The following LRP1B variants were observed in gnomAD, a reference collection of about 807,000 sequenced individuals.
The protein encoded by LRP1B is LDL receptor related protein 1B.
In LRP1B, 217 loss-of-function variants were observed where a neutral mutation model predicts 556.6. That is an observed-to-expected ratio of 0.39 (90% confidence interval 0.35 to 0.44). The LOEUF is 0.44. Ranked by LOEUF, LRP1B falls within the 20% of genes least tolerant of loss-of-function variation. LRP1B has a pLI of 1.00. For synonymous variants in LRP1B, 2,047 were observed against 1,865.8 expected, an observed-to-expected ratio of 1.10 and a Z score of -2.50; for missense variants, 5,053 against 5,620.8, an observed-to-expected ratio of 0.90 and a Z score of 3.23.
In LRP1B at chr2:141,323,793, C is replaced by T. The variant is rs72981223; in HGVS notation, c.344-69152G>A. 6.2e-3 allele frequency among the ~76,000 whole-genome samples: 948 copies of T among 151,970 alleles called. 15 individuals are homozygous for T. The highest frequency in any genetic ancestry group is 0.021 in the African/African-American group (882 of 41,456). ...ATTACATAACTTCTTCCCAACCTTTCCACAAACTCAGAACTCAGCTTAAAA... is the reference window on the plus strand; with the variant it reads ...ATTACATAACTTCTTCCCAACCTTTTCACAAACTCAGAACTCAGCTTAAAA... On this transcript the variant is annotated intron_variant, in intron 3 of 90. Transcript: ENST00000389484.
chr2:141,484,747 T>C (rs934968875), intron 2 of LRP1B, among the ~76,000 whole-genome samples: 12 of 152,098 alleles, frequency 7.9e-5, no homozygotes, highest in Admixed American at 1.3e-4. Flanking sequence ...AGTTCACTCA[T>C]GATTTGGCTC....
chr2:140,406,554 C>T (rs371918923), intron 66 of LRP1B, among the ~76,000 whole-genome samples: 1 of 152,008 alleles, frequency 6.6e-6, no homozygotes, highest in South Asian at 2.1e-4. Context: ...ACAACAGTGA[C>T]CCAGCTGAGA....
intron 41 of LRP1B, among the ~76,000 whole-genome samples, chr2:140,682,929 T>C (rs1685914222): frequency 6.6e-6 from 1 of 152,170 alleles, no homozygotes; most frequent in South Asian, 2.1e-4. Context: ...TGATTCTTCC[T>C]TATATCTGAA....
intron 35 of LRP1B, among the ~76,000 whole-genome samples, chr2:140,724,437 A>T (rs1255755268): frequency 6.6e-6 from 1 of 152,244 alleles, no homozygotes; most frequent in African/African-American, 2.4e-5. Context: ...TGTTTAGCTT[A>T]TCTAATTTAT....
chr2:141,550,065 T>C (rs1399705602), intron 2 of LRP1B, among the ~76,000 whole-genome samples: 1 of 152,174 alleles, frequency 6.6e-6, no homozygotes, highest in Non-Finnish European at 1.5e-5. Context: ...ACAATCCTCA[T>C]ACGTATATTT....
rs533620667 is a variant in LRP1B at position 140,601,041 on chromosome 2, C to A, written c.6989+409G>T. ...TTGCAGTTTGCTTTCTTTTGTATTG[C>A]AATTTGGGAGATCTCCAGATGCTAT... On this transcript the variant is annotated intron_variant, in intron 42 of 90. Coordinates refer to ENST00000389484, the MANE Select transcript of LRP1B (RefSeq NM_018557.3). Among the ~76,000 whole-genome samples the A allele has an allele frequency of 2.7e-5, 4 of 147,878 alleles. No homozygotes were observed. In the South Asian group the frequency reaches 8.6e-4, roughly 32 times the overall value.
intron 6 of LRP1B, among the ~76,000 whole-genome samples, chr2:141,223,789 T>G (rs144326289): frequency 2.0e-3 from 299 of 152,310 alleles, no homozygotes; most frequent in African/African-American, 6.8e-3. Context: ...GGGAAATGAT[T>G]CCCTATTTAA....
At chr2:141,188,130 G>T (rs1681341768) in intron 7 of LRP1B, among the ~76,000 whole-genome samples, 2 of 151,930 alleles carry the variant, frequency 1.3e-5, no homozygotes, top group Non-Finnish European at 1.5e-5. Context: ...CTAAAAATAT[G>T]CTGAGGCTTT....
intron 11 of LRP1B, among the ~76,000 whole-genome samples, chr2:141,027,203 G>A (rs974567300): frequency 3.3e-5 from 5 of 152,050 alleles, no homozygotes; most frequent in Non-Finnish European, 5.9e-5. Context: ...CACAAAGACC[G>A]TATATAGTGA....
intron 3 of LRP1B, among the ~76,000 whole-genome samples, chr2:141,342,216 C>A (rs1408664185): frequency 6.9e-6 from 1 of 145,606 alleles, no homozygotes; most frequent in Non-Finnish European, 1.5e-5. Context: ...CGCACTCCAG[C>A]CAGGGTGACA....
At chr2:141,409,834 T>C (rs1016321240) in intron 3 of LRP1B, among the ~76,000 whole-genome samples, 1 of 152,112 alleles carries the variant, frequency 6.6e-6, no homozygotes, top group African/African-American at 2.4e-5. Context: ...GAGGAGGTGA[T>C]ATTTTAGCAG....
At chr2:140,848,186 T>C (rs1403723960) in intron 29 of LRP1B, among the ~76,000 whole-genome samples, 1 of 152,206 alleles carries the variant, frequency 6.6e-6, no homozygotes, top group Non-Finnish European at 1.5e-5. Context: ...TGTCCTTTAC[T>C]TGGTCTTTCA....
chr2:140,301,565 A>T (rs531569475), intron 83 of LRP1B, among the ~76,000 whole-genome samples: 1 of 152,212 alleles, frequency 6.6e-6, no homozygotes, highest in East Asian at 1.9e-4. Context: ...ATCACATTCC[A>T]ATCCTTCACT....
intron 79 of LRP1B, among the ~76,000 whole-genome samples, chr2:140,326,310 C>G (rs959060130): frequency 1.3e-5 from 2 of 151,440 alleles, no homozygotes; most frequent in East Asian, 1.9e-4. Context: ...AATTCCTTCA[C>G]GAAGGTACAG....
intron 35 of LRP1B, among the ~76,000 whole-genome samples, chr2:140,733,873 T>C (rs146568261): frequency 7.7e-4 from 117 of 152,334 alleles, no homozygotes; most frequent in Middle Eastern, 3.4e-3. Context: ...CAATATTTGC[T>C]GTAAGCAAAA....
intron 7 of LRP1B, among the ~76,000 whole-genome samples, chr2:141,108,817 G>T (rs1574081388): frequency 6.6e-6 from 1 of 152,096 alleles, no homozygotes; most frequent in Admixed American, 6.6e-5. Context: ...TCCTTTATGT[G>T]GAAAGGTATG....
chr2:141,679,458 A>G (rs1384318064), intron 2 of LRP1B, among the ~76,000 whole-genome samples: 1 of 152,196 alleles, frequency 6.6e-6, no homozygotes, highest in Non-Finnish European at 1.5e-5. Flanking sequence ...TATAACGAGT[A>G]TTATTTAAGT....
At chr2:140,456,625 C>T in intron 61 of LRP1B, 22 bp from the exon 62 acceptor site, 4 of 1,598,186 alleles carry the variant, frequency 2.5e-6, no homozygotes, top group Non-Finnish European at 3.4e-6. Context: ...AAAGAAACAA[C>T]AACAACAAAA....
chr2:141,904,433 G>T (rs1416138846), intron 1 of LRP1B, among the ~76,000 whole-genome samples: 2 of 151,906 alleles, frequency 1.3e-5, no homozygotes, highest in Non-Finnish European at 2.9e-5. Flanking sequence ...GTGTGTGGTT[G>T]TCCCATTTGC....
Sources: gnomAD v4.1 joint callset for allele counts (sites outside exome capture counted in the v4.1 genomes callset) on GRCh38, gnomAD v4.1.1 for gene constraint, MANE v1.5 for transcripts, NCBI Gene and HGNC (gene_info 2026-07-23, HGNC 2026-07-21) for gene names.